Variants in DPYD observed in about 807,000 individuals in gnomAD.
The protein encoded by DPYD is dihydropyrimidine dehydrogenase [NADP(+)].
A neutral mutation model predicts 116.2 loss-of-function variants in DPYD; 109 were observed. The observed-to-expected ratio is 0.94, with a 90% CI of 0.80 to 1.10. The LOEUF (loss-of-function observed/expected upper bound fraction) is 1.10. Among genes scored for constraint, DPYD ranks in the 50% least tolerant of loss-of-function variants. The pLI is 0.00. For synonymous variants in DPYD, 440 were observed against 432.0 expected, an observed-to-expected ratio of 1.02 and a Z score of -0.23; for missense variants, 1,302 against 1,254.5, an observed-to-expected ratio of 1.04 and a Z score of -0.57.
At chr1:97,734,584 A>T (rs538600898) in intron 4 of DPYD, among the ~76,000 whole-genome samples, 1 of 152,298 alleles carries the variant, frequency 6.6e-6, no homozygotes, top group Admixed American at 6.5e-5. Flanking sequence ...ATTGTTAAAT[A>T]TCTACCGCAC....
intron 19 of DPYD, among the ~76,000 whole-genome samples, chr1:97,228,220 A>G (rs1045006491): frequency 6.6e-6 from 1 of 151,974 alleles, no homozygotes; most frequent in Non-Finnish European, 1.5e-5. Flanking sequence ...GTCTCAATAC[A>G]TATTTATTAA....
chr1:97,591,069 A>C (rs1352646653), intron 10 of DPYD, among the ~76,000 whole-genome samples: 2 of 152,168 alleles, frequency 1.3e-5, no homozygotes, highest in Non-Finnish European at 2.9e-5. Context: ...AATCCAGAAG[A>C]CTTCCACAAT....
chr1:97,464,268 TA>T (rs1557730000), intron 13 of DPYD, among the ~76,000 whole-genome samples: 11 of 145,392 alleles, frequency 7.6e-5, no homozygotes, highest in Non-Finnish European at 1.7e-4. Flanking sequence ...TAAAATAAAA[TA>T]AAATAAAATA....
At position 97,193,114 on chromosome 1, in the gene DPYD, G is replaced by A; in HGVS notation, c.2577C>T (p.His859=). ...WDGQSPATVS[H]QKGKPVPRIA... ...TACGTGGAACTGGTTTCCCTTTCTGGTGACTCACAGTAGCTGGACTCTGTC... is the reference window on the plus strand; with the variant it reads ...TACGTGGAACTGGTTTCCCTTTCTGATGACTCACAGTAGCTGGACTCTGTC... Residue 859 remains histidine (H), a synonymous_variant, in exon 20 of 23, where the codon CAC becomes CAT. Coordinates refer to ENST00000370192, the MANE Select transcript of DPYD (RefSeq NM_000110.4). 6.2e-7 allele frequency: 1 copy of A among 1,614,002 alleles called. No individual in the cohort carries two copies. Among genetic ancestry groups the A allele is most frequent in the Non-Finnish European group, 8.5e-7 (1 of 1,179,936 alleles).
At chr1:97,251,215 G>C (rs1663064477) in intron 18 of DPYD, among the ~76,000 whole-genome samples, 1 of 151,832 alleles carries the variant, frequency 6.6e-6, no homozygotes, top group Non-Finnish European at 1.5e-5. Context: ...TGGCCGACAT[G>C]GTGAAAACCC....
chr1:97,609,625 C>G (rs1353401055), intron 8 of DPYD, among the ~76,000 whole-genome samples: 1 of 151,946 alleles, frequency 6.6e-6, no homozygotes, highest in Non-Finnish European at 1.5e-5. Flanking sequence ...ATCTCACAGA[C>G]AAGTGGCAAA....
chr1:97,175,250 T>A (rs1235629344), intron 20 of DPYD, among the ~76,000 whole-genome samples: 1 of 149,544 alleles, frequency 6.7e-6, no homozygotes, highest in Non-Finnish European at 1.5e-5. Context: ...TGAAGTAATA[T>A]CTCATTGTAG....
chr1:97,598,356 G>A (rs532908698), intron 8 of DPYD, among the ~76,000 whole-genome samples: 1 of 152,252 alleles, frequency 6.6e-6, no homozygotes, highest in Admixed American at 6.5e-5. Flanking sequence ...ACACTGAAAT[G>A]ACTTTTTAAT....
At chr1:97,243,102 A>C (rs1217014655) in intron 18 of DPYD, among the ~76,000 whole-genome samples, 1 of 151,876 alleles carries the variant, frequency 6.6e-6, no homozygotes, top group Non-Finnish European at 1.5e-5. Flanking sequence ...TGGCTACTTG[A>C]CAGCAAGATG....
At chr1:97,153,515 C>G (rs1292513577) in intron 20 of DPYD, among the ~76,000 whole-genome samples, 1 of 152,004 alleles carries the variant, frequency 6.6e-6, no homozygotes, top group Non-Finnish European at 1.5e-5. Flanking sequence ...GGATCAAAGA[C>G]TTAAATCTAA....
At chr1:97,108,545 T>A (rs1442638288) in intron 20 of DPYD, among the ~76,000 whole-genome samples, 1 of 152,164 alleles carries the variant, frequency 6.6e-6, no homozygotes, top group Non-Finnish European at 1.5e-5. Flanking sequence ...TGGATCATGT[T>A]TATCAAACTT....
intron 20 of DPYD, among the ~76,000 whole-genome samples, chr1:97,171,737 A>G (rs887951070): frequency 6.6e-6 from 1 of 152,222 alleles, no homozygotes; most frequent in Non-Finnish European, 1.5e-5. Context: ...TATTGTCATT[A>G]TCATGATTAT....
At chr1:97,538,769 T>C (rs1426136372) in intron 12 of DPYD, among the ~76,000 whole-genome samples, 1 of 152,210 alleles carries the variant, frequency 6.6e-6, no homozygotes, top group African/African-American at 2.4e-5. Flanking sequence ...TTGTGCTTCA[T>C]GAGCTTACAG....
chr1:97,638,732 C>A (rs1003088129), intron 8 of DPYD, among the ~76,000 whole-genome samples: 15 of 152,116 alleles, frequency 9.9e-5, no homozygotes, highest in African/African-American at 3.6e-4. Context: ...TGGTATGTCA[C>A]ACGGTGAGAG....
intron 13 of DPYD, among the ~76,000 whole-genome samples, chr1:97,492,353 TTC>T (rs1237646793): frequency 1.3e-5 from 2 of 152,156 alleles, no homozygotes; most frequent in East Asian, 3.8e-4. Context: ...TCAAAATATT[TTC>T]TGTTCATATG....
intron 3 of DPYD, among the ~76,000 whole-genome samples, chr1:97,749,506 T>C (rs1417200085): frequency 6.6e-6 from 1 of 152,172 alleles, no homozygotes; most frequent in African/African-American, 2.4e-5. Flanking sequence ...AGAGTTTTAA[T>C]AGAGAATTTT....
At chr1:97,915,007 T>C (rs994622562) in intron 1 of DPYD, among the ~76,000 whole-genome samples, 3 of 152,178 alleles carry the variant, frequency 2.0e-5, no homozygotes, top group Non-Finnish European at 4.4e-5. Flanking sequence ...ATGTACATGA[T>C]AGACGCAGTA....
At position 97,420,322 on chromosome 1, in the gene DPYD, A is replaced by G. The variant is rs556411373; in HGVS notation, c.1905+29737T>C. On this transcript the variant is annotated intron_variant, in intron 14 of 22. Transcript: ENST00000370192. ...TGGATCTGAGCAGCAAATTGAAGACATGGAGAACACTTCGTAATTTTCTGG... is the reference window on the plus strand; with the variant it reads ...TGGATCTGAGCAGCAAATTGAAGACGTGGAGAACACTTCGTAATTTTCTGG... 9.9e-5 allele frequency among the ~76,000 whole-genome samples: 15 copies of G among 152,282 alleles called. No homozygotes were observed. The South Asian group carries it at 3.1e-3, about 32-fold the overall frequency.
At chr1:97,173,302 ACATATATATG>A (rs1656927442) in intron 20 of DPYD, among the ~76,000 whole-genome samples, 1 of 89,486 alleles carries the variant, frequency 1.1e-5, no homozygotes, top group Non-Finnish European at 2.4e-5. Context: ...ACACATATGT[ACATATATATG>A]CACACATATA....
Sources: allele counts gnomAD v4.1 joint callset (sites outside exome capture counted in the v4.1 genomes callset), GRCh38; gene constraint gnomAD v4.1.1; transcripts MANE v1.5; gene names NCBI Gene and HGNC (gene_info 2026-07-23, HGNC 2026-07-21).